The following ITGAV variants were observed in gnomAD, a reference collection of about 807,000 sequenced individuals.
ITGAV encodes the protein integrin alpha-V.
Under a neutral mutation model 143.8 loss-of-function variants are expected in ITGAV, and 76 were observed. The observed-to-expected ratio is 0.53, with a 90% confidence interval of 0.44 to 0.64. The LOEUF is 0.64. ITGAV is among the 30% of genes least tolerant of loss of function. The pLI is 0.00. For synonymous variants in ITGAV, 453 were observed against 446.7 expected (o/e 1.01, Z -0.18); for missense variants, 1,193 against 1,274.7 (o/e 0.94, Z 0.98).
chr2:186,590,834 G>A (rs896847289), intron 1 of ITGAV, among the ~76,000 whole-genome samples: 5 of 152,146 alleles, frequency 3.3e-5, no homozygotes, highest in Non-Finnish European at 7.3e-5. Flanking sequence ...GGTCTTGCCG[G>A]ACTCCCCGCC....
chr2:186,600,305 C>A, intron 1 of ITGAV: 1 of 1,534,000 alleles, frequency 6.5e-7, no homozygotes, highest in Non-Finnish European at 8.8e-7. Flanking sequence ...TCATCCCCAC[C>A]CCCCACTCCC....
In ITGAV at chr2:186,633,315, G is replaced by A; in HGVS notation, c.586-14G>A. 1.3e-6 allele frequency: 2 copies of A among 1,547,334 alleles called. No homozygotes were observed. Among genetic ancestry groups the A allele is most frequent in the African/African-American group, 2.7e-5 (2 of 73,122 alleles). ...CTTTAAATATATATCTTTTTGTTGT[G>A]TGATTTCATCTAGGCTGACAGAGTA... On this transcript the variant is annotated splice_polypyrimidine_tract_variant and intron_variant, in intron 5 of 29. Coordinates refer to ENST00000261023, the MANE Select transcript of ITGAV (RefSeq NM_002210.5).
At chr2:186,621,520 T>A (rs910979502) in intron 2 of ITGAV, among the ~76,000 whole-genome samples, 3 of 152,204 alleles carry the variant, frequency 2.0e-5, no homozygotes, top group Admixed American at 6.5e-5. Context: ...TAAAGTCCTT[T>A]GTAACTTTGA....
intron 1 of ITGAV, among the ~76,000 whole-genome samples, chr2:186,590,886 ACTT>A (rs1559034207): frequency 6.6e-6 from 1 of 151,746 alleles, no homozygotes; most frequent in Non-Finnish European, 1.5e-5. Context: ...TCATCCCCGA[ACTT>A]CTTTTTCTCC....
intron 24 of ITGAV, 185 bp downstream of exon 24, chr2:186,667,961 C>T: frequency 2.9e-6 from 1 of 349,858 alleles, no homozygotes. Context: ...GACAAATAGA[C>T]TTGTTTAAAT....
At chr2:186,595,157 T>G (rs1245076605) in intron 1 of ITGAV, among the ~76,000 whole-genome samples, 1 of 152,264 alleles carries the variant, frequency 6.6e-6, no homozygotes, top group Non-Finnish European at 1.5e-5. Flanking sequence ...TTTATTTCTA[T>G]ATACATGTAT....
At position 186,678,789 on chromosome 2, in the gene ITGAV, T is replaced by C. The variant is rs1247518645; in HGVS notation, c.*1497T>C. 1 of 451,176 alleles carries C rather than the reference T, an allele frequency of 2.2e-6. No homozygotes were observed. The highest frequency in any genetic ancestry group is 2.0e-5 in the African/African-American group (1 of 49,996). 27.9% of individuals were successfully genotyped at this position (451,176 alleles called of 1,614,324 possible). On this transcript the variant is annotated 3_prime_UTR_variant, in exon 30 of 30. Coordinates refer to ENST00000261023, the MANE Select transcript of ITGAV (RefSeq NM_002210.5). Reference sequence around the variant, plus strand: ...ATGGAGAGTTTAATAGCTCTTTAACTGCTGTCCTCATTAGGTAATGATAAA... The same window carrying C: ...ATGGAGAGTTTAATAGCTCTTTAACCGCTGTCCTCATTAGGTAATGATAAA...
intron 3 of ITGAV, 64 bp downstream of exon 3, chr2:186,622,494 T>G: frequency 9.2e-7 from 1 of 1,084,012 alleles, no homozygotes; most frequent in Non-Finnish European, 1.4e-6. Flanking sequence ...CACAGAAGGT[T>G]TTATATTTTC....
chr2:186,667,873 A>T, intron 24 of ITGAV, 97 bp downstream of exon 24: 1 of 588,552 alleles, frequency 1.7e-6, no homozygotes, highest in Non-Finnish European at 2.9e-6. Flanking sequence ...TGTAATTTTT[A>T]TGTAAACTCT....
chr2:186,627,153 A>C (rs1687697175), intron 4 of ITGAV, among the ~76,000 whole-genome samples: 1 of 152,142 alleles, frequency 6.6e-6, no homozygotes, highest in Admixed American at 6.5e-5. Flanking sequence ...TCTAGGCAGA[A>C]AGAGGTGCAA....
chr2:186,675,826 A>T lies in ITGAV; in HGVS notation c.2827A>T (p.Asn943Tyr), dbSNP rs376024712. Residue 943 changes from asparagine to tyrosine, a missense_variant, in exon 28 of 30, where the codon AAT (asparagine) becomes TAT (tyrosine). By Grantham distance (143) the Asn-to-Tyr change is moderately radical. Coordinates refer to ENST00000261023, the MANE Select transcript of ITGAV (RefSeq NM_002210.5). The stretch of plus-strand genomic sequence containing the variant: ...AATTGTTATTTCCAAACAGAAAGAA[A>T]ATCAGAATCATTCCTATTCTCTGAA... Reference protein sequence around the residue: ...LWTETFMNKENQNHSYSLKSS... With the variant: ...LWTETFMNKEYQNHSYSLKSS... The T allele has an allele frequency of 2.5e-6, 4 of 1,597,462 alleles. No homozygotes were observed. Among genetic ancestry groups the T allele is most frequent in the Non-Finnish European group, 3.4e-6 (4 of 1,168,718 alleles).
chr2:186,650,482 G>A (rs1461801780), intron 14 of ITGAV, among the ~76,000 whole-genome samples: 1 of 151,868 alleles, frequency 6.6e-6, no homozygotes, highest in Non-Finnish European at 1.5e-5. Flanking sequence ...TTACTGTTAT[G>A]AGCCACTGTG....
At chr2:186,597,725 C>T (rs928489623) in intron 1 of ITGAV, among the ~76,000 whole-genome samples, 1 of 152,182 alleles carries the variant, frequency 6.6e-6, no homozygotes, top group Non-Finnish European at 1.5e-5. Flanking sequence ...GCATTACCAC[C>T]TGAGCTCTGC....
In ITGAV at chr2:186,664,661, A is replaced by C; in HGVS notation, c.2073+20A>C. ...AATGAAGTAAGCAGGCTGCCTCTTT[A>C]AAAATTGAAATGCACTCACGGATCT... On this transcript the variant is annotated intron_variant, in intron 20 of 29. Transcript: ENST00000261023. 1.2e-6 allele frequency: 2 copies of C among 1,612,658 alleles called. No homozygotes were observed. Among genetic ancestry groups the C allele is most frequent in the South Asian group, 2.2e-5 (2 of 91,056 alleles).
chr2:186,650,815 G>T (rs1458888691), intron 14 of ITGAV, among the ~76,000 whole-genome samples: 2 of 152,170 alleles, frequency 1.3e-5, no homozygotes, highest in East Asian at 3.9e-4. Flanking sequence ...CTCCCAAAGT[G>T]CTGGGATTAC....
At chr2:186,660,570 A>G (rs1688718214) in intron 18 of ITGAV, 1 of 151,686 alleles carries the variant, frequency 6.6e-6, no homozygotes, top group Admixed American at 6.6e-5. Context: ...TCTTCCATGC[A>G]CTCTCTCTTT....
intron 13 of ITGAV, among the ~76,000 whole-genome samples, chr2:186,648,316 A>C (rs1688318349): frequency 6.6e-6 from 1 of 152,184 alleles, no homozygotes; most frequent in African/African-American, 2.4e-5. Flanking sequence ...CTCCACAGGA[A>C]GGTTTTTGTC....
At chr2:186,661,754 G>A (rs1419235267) in intron 18 of ITGAV, among the ~76,000 whole-genome samples, 3 of 151,652 alleles carry the variant, frequency 2.0e-5, no homozygotes, top group South Asian at 2.1e-4. Flanking sequence ...CCACCACCAC[G>A]CCCGGCTAAT....
At chr2:186,608,085 A>T (rs1687118107) in intron 2 of ITGAV, among the ~76,000 whole-genome samples, 1 of 152,150 alleles carries the variant, frequency 6.6e-6, no homozygotes, top group Admixed American at 6.6e-5. Context: ...CTGAGCCGTC[A>T]CCTGGCGGGG....
Sources: allele counts gnomAD v4.1 joint callset (sites outside exome capture counted in the v4.1 genomes callset), GRCh38; gene constraint gnomAD v4.1.1; transcripts MANE v1.5; gene names NCBI Gene and HGNC (gene_info 2026-07-23, HGNC 2026-07-21).